The following CDK11B variants were observed in gnomAD, a reference collection of about 807,000 sequenced individuals.
CDK11B encodes cyclin-dependent kinase 11B.
Under a neutral mutation model 84.0 loss-of-function variants are expected in CDK11B, and 37 were observed. The observed-to-expected ratio is 0.44, with a 90% CI of 0.34 to 0.58. CDK11B has a LOEUF of 0.58. Ranked by LOEUF, CDK11B falls within the 20% of genes least tolerant of loss-of-function variation. The probability of loss-of-function intolerance (pLI) is 0.02; values close to 1 mark genes in which losing one functional copy is unlikely to be tolerated. For synonymous variants in CDK11B, 269 were observed against 309.8 expected (o/e 0.87, Z 1.38); for missense variants, 427 against 834.0 (o/e 0.51, Z 6.01).
At chr1:1,658,213 C>A (rs1390235634) in intron 1 of CDK11B, among the ~76,000 whole-genome samples, 1 of 149,880 alleles carries the variant, frequency 6.7e-6, no homozygotes, top group African/African-American at 2.5e-5. Flanking sequence ...GGCAAGGTGG[C>A]GAGCGCCTGT....
chr1:1,637,642 G>C, intron 13 of CDK11B, 120 bp downstream of exon 13: 1 of 1,608,128 alleles, frequency 6.2e-7, no homozygotes, highest in Non-Finnish European at 8.5e-7. Context: ...GCTTCTGTGT[G>C]GTCTGTGAAG....
chr1:1,638,451 C>T lies in CDK11B; in HGVS notation c.1342+49G>A, dbSNP rs111701847. 12 of 1,103,594 alleles carry T rather than the reference C, an allele frequency of 1.1e-5. No individual in the cohort carries two copies. The Admixed American group carries it at 1.7e-4, about 16-fold the overall frequency. 68.4% of individuals were successfully genotyped at this position (1,103,594 alleles called of 1,614,324 possible). The stretch of plus-strand genomic sequence containing the variant: ...GCAGTCGCAGCTCTCGGGCAGCCAG[C>T]CCCTGCCCCACTTCCCCTGCCTTTG... On this transcript the variant is annotated intron_variant, in intron 12 of 19. Transcript: ENST00000341832.
At chr1:1,640,762 T>C (rs1458048905) in intron 10 of CDK11B, among the ~76,000 whole-genome samples, 1 of 152,242 alleles carries the variant, frequency 6.6e-6, no homozygotes, top group Non-Finnish European at 1.5e-5. Context: ...GCCTCTGCTC[T>C]GCAGGGACAG....
At chr1:1,636,661 C>G in intron 17 of CDK11B, 21 bp downstream of exon 17, 2 of 1,613,766 alleles carry the variant, frequency 1.2e-6, no homozygotes, top group East Asian at 2.2e-5. Context: ...CACAGCGCAC[C>G]TGCAGCAGGG....
intron 2 of CDK11B, 138 bp downstream of exon 2, chr1:1,657,237 G>C (rs201138928): frequency 2.5e-6 from 4 of 1,613,886 alleles, no homozygotes; most frequent in African/African-American, 2.7e-5. Flanking sequence ...TTAATTTTTA[G>C]AATAGATTTT....
intron 14 of CDK11B, 33 bp downstream of exon 14, chr1:1,637,375 G>C (rs1238258706): frequency 1.9e-6 from 3 of 1,605,422 alleles, no homozygotes; most frequent in Non-Finnish European, 2.6e-6. Context: ...GCCCCCACTT[G>C]TACGCAGACA....
chr1:1,643,423 TTGAC>T, intron 6 of CDK11B, among the ~76,000 whole-genome samples: 1 of 151,454 alleles, frequency 6.6e-6, no homozygotes, highest in Non-Finnish European at 1.5e-5. Flanking sequence ...GTCCATTTTT[TTGAC>T]TAAGAAAAAC....
chr1:1,655,783 G>T (rs1642665299), intron 2 of CDK11B, among the ~76,000 whole-genome samples: 1 of 152,000 alleles, frequency 6.6e-6, no homozygotes, highest in African/African-American at 2.4e-5. Flanking sequence ...TTAGCTGGGC[G>T]TAGTGACCGG....
In CDK11B at chr1:1,637,478, G is replaced by A. The variant is rs1265281881; in HGVS notation, c.1500C>T (p.Tyr500=). 10 of 1,613,680 alleles carry A rather than the reference G, an allele frequency of 6.2e-6. No individual in the cohort carries two copies. The highest frequency in any genetic ancestry group is 8.5e-6 in the Non-Finnish European group (10 of 1,179,664). ...IVVGSNMDKI[Y]IVMNYVEHDL... ...CGTGCTCCACATAGTTCATCACGAT[G>A]TAGATCTTGTCCATGTTGCTGCCCA... is the stretch of plus-strand genomic sequence containing the variant. The change falls in exon 14 of 20, where the codon TAC becomes TAT. Residue 500 remains tyrosine (Y), a synonymous_variant. Coordinates refer to ENST00000341832, the MANE Select transcript of CDK11B (RefSeq NM_033486.3).
rs368520958 is a variant in CDK11B at position 1,637,743 on chromosome 1, G to A, written c.1464+19C>T. ...AAAAGCCTTCCACCCGGGGCCAGGC[G>A]TGGTGGGGCCATGCTCACTCTAACG... On this transcript the variant is annotated intron_variant, in intron 13 of 19. Transcript: ENST00000341832. The A allele has an allele frequency of 3.4e-5, 55 of 1,613,552 alleles. No individual in the cohort carries two copies. The East Asian group carries it at 4.0e-4, about 12-fold the overall frequency.
At chr1:1,658,001 C>G (rs2101048640) in intron 1 of CDK11B, among the ~76,000 whole-genome samples, 1 of 150,592 alleles carries the variant, frequency 6.6e-6, no homozygotes, top group East Asian at 1.9e-4. Flanking sequence ...GGCGAAAACC[C>G]TGTCTCCACT....
intron 3 of CDK11B, among the ~76,000 whole-genome samples, chr1:1,654,934 A>G (rs1335068525): frequency 6.6e-6 from 1 of 152,104 alleles, no homozygotes; most frequent in East Asian, 1.9e-4. Context: ...CTGGGATTAC[A>G]GGCGTGAGCC....
rs879800092 is a variant in CDK11B at position 1,658,912 on chromosome 1, A to G, written c.-14+2T>C. On this transcript the variant is annotated splice_donor_variant, in intron 1 of 19. Coordinates refer to ENST00000341832, the MANE Select transcript of CDK11B (RefSeq NM_033486.3). LOFTEE classifies it low-confidence loss of function (5UTR_SPLICE). ...CACCTGGTCCGCCCAGTCGGAACTC[A>G]CCCCTACGCCGCCGCCGCTGCCGCC... is the stretch of plus-strand genomic sequence containing the variant. 2.7e-4 allele frequency: 50 copies of G among 187,750 alleles called. No homozygotes were observed. The highest frequency in any genetic ancestry group is 1.8e-3 in the Admixed American group (29 of 15,708). The allele number at this position is 187,750 out of a possible 1,614,324, so 11.6% of individuals were successfully genotyped here. A position where few individuals can be genotyped will look rare whatever the true frequency, so the allele number is the denominator to read the frequency against.
chr1:1,645,809 G>A (rs1296303246), intron 5 of CDK11B: 1 of 342,550 alleles, frequency 2.9e-6, no homozygotes, highest in Non-Finnish European at 5.6e-6. Flanking sequence ...GTATTGGCCT[G>A]TTTCTGGCTG....
At position 1,635,480 on chromosome 1, in the gene CDK11B, C is replaced by T. The variant is rs1364537943; in HGVS notation, c.*284G>A. On this transcript the variant is annotated 3_prime_UTR_variant, in exon 20 of 20. Coordinates refer to ENST00000341832, the MANE Select transcript of CDK11B (RefSeq NM_033486.3). ...AAATCACGGCCCAGCCAGCCCCGTG[C>T]GTGTCGAGAGTGGGAGAGGGTGTGT... The T allele has an allele frequency of 1.7e-4, 58 of 334,318 alleles. 13 individuals are homozygous for T. Among genetic ancestry groups the T allele is most frequent in the African/African-American group, 1.5e-3 (36 of 23,800 alleles). 20.7% of individuals were successfully genotyped at this position (334,318 alleles called of 1,614,324 possible).
rs377732062 is a variant in CDK11B at position 1,636,498 on chromosome 1, C to A, written c.1918-17G>T. ...CCCCAGATCCTGAAAGACAGAGGTG[C>A]TTCAACAGCCACACCAAGTGGCCCA... On this transcript the variant is annotated splice_polypyrimidine_tract_variant and intron_variant, in intron 17 of 19. Coordinates refer to ENST00000341832, the MANE Select transcript of CDK11B (RefSeq NM_033486.3). The A allele has an allele frequency of 1.2e-5, 19 of 1,606,078 alleles. No homozygotes were observed. The African/African-American group carries it at 2.4e-4, about 20-fold the overall frequency.
At chr1:1,650,281 A>AAAAAAAAAAAAAAAAAAAAAG (rs1641798674) in intron 4 of CDK11B, among the ~76,000 whole-genome samples, 28 of 147,404 alleles carry the variant, frequency 1.9e-4, no homozygotes, top group Non-Finnish European at 4.0e-4. Flanking sequence ...AAAAAAAAAA[A>AAAAAAAAAAAAAAAAAAAAAG]AAAGAAATTA....
intron 5 of CDK11B, among the ~76,000 whole-genome samples, chr1:1,648,312 A>C (rs1641438382): frequency 6.6e-6 from 1 of 152,124 alleles, no homozygotes; most frequent in Admixed American, 6.5e-5. Context: ...GACACACTCA[A>C]TGTCTGGCAC....
Position 1,658,965 on chromosome 1 carries a change from G to A in CDK11B, c.-65C>T, listed in dbSNP as rs191133115. 1,844 of 203,292 alleles carry A rather than the reference G, an allele frequency of 9.1e-3. 37 individuals are homozygous for A. Among genetic ancestry groups the A allele is most frequent in the African/African-American group, 0.041 (1,700 of 41,972 alleles). 12.6% of individuals were successfully genotyped at this position (203,292 alleles called of 1,614,324 possible). On this transcript the variant is annotated 5_prime_UTR_variant, in exon 1 of 20. Coordinates refer to ENST00000341832, the MANE Select transcript of CDK11B (RefSeq NM_033486.3). The stretch of plus-strand genomic sequence containing the variant: ...CGCCGCCGCCGGTCCCGGAGCCAGA[G>A]AAGAAACAGCAACCGGCGCGCGCCA...
Sources: gnomAD v4.1 joint callset for allele counts (sites outside exome capture counted in the v4.1 genomes callset) on GRCh38, gnomAD v4.1.1 for gene constraint, MANE v1.5 for transcripts, NCBI Gene and HGNC (gene_info 2026-07-23, HGNC 2026-07-21) for gene names.